The following SAXO2 variants were observed in gnomAD, a reference collection of about 807,000 sequenced individuals.
SAXO2 encodes the protein family with sequence similarity 154, member B.
A neutral mutation model predicts 18.7 loss-of-function variants in SAXO2; 17 were observed. That is an observed-to-expected ratio of 0.91 (90% CI 0.62 to 1.36). SAXO2 has a LOEUF of 1.36. Among genes scored for constraint, SAXO2 ranks in the 40% most tolerant of loss-of-function variants. The pLI, the probability that SAXO2 is intolerant of heterozygous loss-of-function variation, is 0.00. For synonymous variants in SAXO2, 163 were observed against 181.2 expected (o/e 0.90, Z 0.81); for missense variants, 486 against 562.6 (o/e 0.86, Z 1.38).
intron 1 of SAXO2, chr15:82,264,910 G>A: frequency 1.7e-6 from 1 of 588,662 alleles, no homozygotes; most frequent in Non-Finnish European, 3.0e-6. Flanking sequence ...GCTCTCTTCT[G>A]AATCAAAGTA....
rs1381681612 is a variant in SAXO2 at position 82,284,558 on chromosome 15, A to G, written c.*1496A>G. On this transcript the variant is annotated 3_prime_UTR_variant, in exon 4 of 4. Coordinates refer to ENST00000682753, the MANE Select transcript of SAXO2 (RefSeq NM_001348699.2). ...AGCAGGGGGCATAATCACCTGGTTCACCTCTTCCGGTGTGAAGATAAGTGA... is the reference window on the plus strand; with the variant it reads ...AGCAGGGGGCATAATCACCTGGTTCGCCTCTTCCGGTGTGAAGATAAGTGA... 1 of 152,086 alleles carries G rather than the reference A, an allele frequency of 6.6e-6. No homozygotes were observed. Among genetic ancestry groups the G allele is most frequent in the East Asian group, 1.9e-4 (1 of 5,204 alleles). The allele number at this position is 152,086 out of a possible 1,614,324, so 9.4% of individuals were successfully genotyped here. A position where few individuals can be genotyped will look rare whatever the true frequency, so the allele number is the denominator to read the frequency against.
At chr15:82,263,234 T>C in intron 1 of SAXO2, 1 of 1,472,974 alleles carries the variant, frequency 6.8e-7, no homozygotes, top group Admixed American at 2.3e-5. Flanking sequence ...CGCTGGTGAG[T>C]AGTGGGATGT....
At position 82,262,865 on chromosome 15, in the gene SAXO2, G is replaced by T. The variant is rs1411335332; in HGVS notation, c.-15G>T. Reference sequence around the variant, plus strand: ...GTGGAGAAGCTGCAAGTGCTGAGGCGCGGTGGAGGAAAGCATGGGAGCCAA... The same window carrying T: ...GTGGAGAAGCTGCAAGTGCTGAGGCTCGGTGGAGGAAAGCATGGGAGCCAA... On this transcript the variant is annotated 5_prime_UTR_variant, in exon 1 of 4. Coordinates refer to ENST00000682753, the MANE Select transcript of SAXO2 (RefSeq NM_001348699.2). 1 of 1,583,296 alleles carries T rather than the reference G, an allele frequency of 6.3e-7. No individual in the cohort carries two copies. The highest frequency in any genetic ancestry group is 2.3e-5 in the East Asian group (1 of 42,738).
Position 82,284,145 on chromosome 15 carries a change from T to C in SAXO2, c.*1083T>C, listed in dbSNP as rs1265628574. On this transcript the variant is annotated 3_prime_UTR_variant, in exon 4 of 4. Transcript: ENST00000682753. ...CTTAAAGTACAAATGTGGAGGATTTTTTTTTAAAATTGCTCAATCTCTTTT... is the reference window on the plus strand; with the variant it reads ...CTTAAAGTACAAATGTGGAGGATTTCTTTTTAAAATTGCTCAATCTCTTTT... 1.3e-5 allele frequency: 2 copies of C among 152,258 alleles called. No homozygotes were observed. Among genetic ancestry groups the C allele is most frequent in the Non-Finnish European group, 2.9e-5 (2 of 68,042 alleles). 9.4% of individuals were successfully genotyped at this position (152,258 alleles called of 1,614,324 possible).
At position 82,262,890 on chromosome 15, in the gene SAXO2, A is replaced by G. The variant is rs748794966; in HGVS notation, c.11A>G (p.Lys4Arg). 3 of 1,600,910 alleles carry G rather than the reference A, an allele frequency of 1.9e-6. No individual in the cohort carries two copies. Among genetic ancestry groups the G allele is most frequent in the Non-Finnish European group, 2.6e-6 (3 of 1,173,824 alleles). MGA[K>R]SMRSWCLCQI... ...GCGGTGGAGGAAAGCATGGGAGCCAAGAGTATGAGGAGCTGGTGTCTGTGT... is the reference window on the plus strand; with the variant it reads ...GCGGTGGAGGAAAGCATGGGAGCCAGGAGTATGAGGAGCTGGTGTCTGTGT... Residue 4 changes from lysine to arginine, a missense_variant, in exon 1 of 4, where the codon AAG becomes AGG. Physicochemically the swap from Lys to Arg is conservative, Grantham distance 26. Coordinates refer to ENST00000682753, the MANE Select transcript of SAXO2 (RefSeq NM_001348699.2).
In SAXO2 at chr15:82,283,179, CAAG is replaced by C. The variant is rs1203217563; in HGVS notation, c.*120_*122del. ...ATAAATCATTTTTTATATTTTTAAA[CAAG>C]AAAATTGGAAAATATATTATAAGAA... On this transcript the variant is annotated 3_prime_UTR_variant, in exon 4 of 4. Coordinates refer to ENST00000682753, the MANE Select transcript of SAXO2 (RefSeq NM_001348699.2). 3.0e-6 allele frequency: 2 copies of C among 675,328 alleles called. No homozygotes were observed. Among genetic ancestry groups the C allele is most frequent in the Admixed American group, 3.9e-5 (1 of 25,664 alleles). 41.8% of individuals were successfully genotyped at this position (675,328 alleles called of 1,614,324 possible).
chr15:82,280,769 T>G (rs1440914850), intron 3 of SAXO2, among the ~76,000 whole-genome samples: 1 of 152,218 alleles, frequency 6.6e-6, no homozygotes, highest in Non-Finnish European at 1.5e-5. Context: ...TGGCATCCTT[T>G]TCAATTCTCC....
Position 82,271,725 on chromosome 15 carries a change from T to C in SAXO2, c.356T>C (p.Val119Ala). 6.2e-7 allele frequency: 1 copy of C among 1,614,170 alleles called. No homozygotes were observed. Among genetic ancestry groups the C allele is most frequent in the Non-Finnish European group, 8.5e-7 (1 of 1,180,004 alleles). ...TYKRDLNSYK[V>A]QPVAIVRPLE... ...AAACGGGATTTGAATTCGTATAAAG[T>C]GCAGCCTGTGGCAATAGTCCGGCCT... Residue 119 changes from valine to alanine, a missense_variant, in exon 3 of 4, where the codon GTG becomes GCG. Transcript: ENST00000682753.
chr15:82,275,962 G>C (rs1237329616), intron 3 of SAXO2, among the ~76,000 whole-genome samples: 1 of 152,134 alleles, frequency 6.6e-6, no homozygotes, highest in Non-Finnish European at 1.5e-5. Flanking sequence ...GTCGAATTAT[G>C]TCTCTTCGCT....
At chr15:82,275,201 T>C (rs1341973535) in intron 3 of SAXO2, among the ~76,000 whole-genome samples, 2 of 141,410 alleles carry the variant, frequency 1.4e-5, no homozygotes, top group African/African-American at 2.6e-5. Context: ...ATTCCCAAGA[T>C]TGAACTAGGA....
intron 1 of SAXO2, among the ~76,000 whole-genome samples, chr15:82,264,338 G>C (rs2075187133): frequency 6.6e-6 from 1 of 151,254 alleles, no homozygotes; most frequent in Non-Finnish European, 1.5e-5. Flanking sequence ...TGGGATTACA[G>C]GCGTGAGCCA....
At chr15:82,279,138 G>C (rs764438503) in intron 3 of SAXO2, among the ~76,000 whole-genome samples, 9 of 152,032 alleles carry the variant, frequency 5.9e-5, no homozygotes, top group Non-Finnish European at 1.3e-4. Flanking sequence ...AGATAATGAA[G>C]TTAATAAATG....
rs1166449277 is a variant in SAXO2, at chr15:82,282,721, AAAG to A, written c.1041_1043del (p.Glu347del). ...TCCTTTCCAAGGAAAAAGCATCATG[AAAG>A]AAGATTTTCCAGCATGGGAAAGTTG... On this transcript the variant is annotated inframe_deletion, in exon 4 of 4. Transcript: ENST00000682753. The A allele has an allele frequency of 3.7e-6, 6 of 1,614,094 alleles. No homozygotes were observed. The highest frequency in any genetic ancestry group is 2.7e-5 in the African/African-American group (2 of 74,952).
At chr15:82,279,293 C>A (rs1205894062) in intron 3 of SAXO2, among the ~76,000 whole-genome samples, 3 of 151,886 alleles carry the variant, frequency 2.0e-5, no homozygotes, top group Non-Finnish European at 2.9e-5. Flanking sequence ...ATATTTGCTT[C>A]AAGAAGGAAG....
At chr15:82,274,379 A>C (rs2075297056) in intron 3 of SAXO2, among the ~76,000 whole-genome samples, 1 of 152,188 alleles carries the variant, frequency 6.6e-6, no homozygotes, top group Non-Finnish European at 1.5e-5. Flanking sequence ...AATGTGCTGC[A>C]GGTTTTGTAG....
At chr15:82,275,277 CAACCAA>C (rs1197405002) in intron 3 of SAXO2, among the ~76,000 whole-genome samples, 15 of 47,502 alleles carry the variant, frequency 3.2e-4, no homozygotes, top group African/African-American at 1.1e-3. Flanking sequence ...AGAAACCTAT[CAACCAA>C]AAAAAAAAAA....
At position 82,283,932 on chromosome 15, in the gene SAXO2, AG is replaced by A. The variant is rs1250260085; in HGVS notation, c.*871del. Reference sequence around the variant, plus strand: ...ATTGAATCCCACCTTGGCTTCCCAAAGCACTGGGATTACAGGCATGAGCCAC... The same window carrying A: ...ATTGAATCCCACCTTGGCTTCCCAAACACTGGGATTACAGGCATGAGCCAC... On this transcript the variant is annotated 3_prime_UTR_variant, in exon 4 of 4. Coordinates refer to ENST00000682753, the MANE Select transcript of SAXO2 (RefSeq NM_001348699.2). 3 of 152,280 alleles carry A rather than the reference AG, an allele frequency of 2.0e-5. No homozygotes were observed. The highest frequency in any genetic ancestry group is 4.4e-5 in the Non-Finnish European group (3 of 68,106). 9.4% of individuals were successfully genotyped at this position (152,280 alleles called of 1,614,324 possible). A position where few individuals can be genotyped will look rare whatever the true frequency, so the allele number is the denominator to read the frequency against.
At chr15:82,276,509 A>G (rs2075316755) in intron 3 of SAXO2, among the ~76,000 whole-genome samples, 2 of 152,212 alleles carry the variant, frequency 1.3e-5, no homozygotes, top group African/African-American at 4.8e-5. Flanking sequence ...AAAAATAGAC[A>G]CATAGACCAA....
At chr15:82,274,047 C>G (rs1329219096) in intron 3 of SAXO2, among the ~76,000 whole-genome samples, 2 of 152,004 alleles carry the variant, frequency 1.3e-5, no homozygotes, top group African/African-American at 2.4e-5. Flanking sequence ...CTTATACAAT[C>G]ACAGTAAGAT....
Sources: allele counts gnomAD v4.1 joint callset (sites outside exome capture counted in the v4.1 genomes callset), GRCh38; gene constraint gnomAD v4.1.1; transcripts MANE v1.5; gene names NCBI Gene and HGNC (gene_info 2026-07-23, HGNC 2026-07-21).